Variants in CDKN2B-AS1 observed in about 807,000 individuals in gnomAD.
The protein encoded by CDKN2B-AS1 is CDKN2B and CDKN2A antisense cis and trans regulatory RNA 1, also known as CDKN2B antisense RNA 1 (non-protein coding).
chr9:22,099,896 G>A (rs1386831941), intron 4 of CDKN2B-AS1, among the ~76,000 whole-genome samples: 13 of 152,248 alleles, frequency 8.5e-5, no homozygotes, highest in African/African-American at 3.1e-4. Flanking sequence ...AATAACACCC[G>A]TGGCTTTTAG....
intron 2 of CDKN2B-AS1, among the ~76,000 whole-genome samples, chr9:22,047,947 G>T (rs116200820): frequency 0.014 from 1,969 of 140,210 alleles, 46 homozygotes; most frequent in African/African-American, 0.047. Flanking sequence ...ACTCCCATGT[G>T]CGGCTAATTT....
chr9:22,099,011 T>C (rs2131352835), intron 4 of CDKN2B-AS1, among the ~76,000 whole-genome samples: 1 of 152,280 alleles, frequency 6.6e-6, no homozygotes, highest in East Asian at 1.9e-4. Flanking sequence ...AGAAGTGCTT[T>C]TGATGGAATT....
At chr9:22,074,807 A>G (rs1466393318) in intron 4 of CDKN2B-AS1, among the ~76,000 whole-genome samples, 1 of 152,208 alleles carries the variant, frequency 6.6e-6, no homozygotes, top group Non-Finnish European at 1.5e-5. Flanking sequence ...GGAAAGCTCT[A>G]TCTGGTTTCT....
chr9:22,008,689 G>GACT (rs777078006), intron 1 of CDKN2B-AS1: 1 of 1,610,204 alleles, frequency 6.2e-7, no homozygotes, highest in South Asian at 1.1e-5. Flanking sequence ...GGCCAACGGA[G>GACT]ACTCCTGTAC....
intron 4 of CDKN2B-AS1, among the ~76,000 whole-genome samples, chr9:22,083,677 A>C (rs1274701187): frequency 1.3e-5 from 2 of 152,204 alleles, no homozygotes; most frequent in Non-Finnish European, 2.9e-5. Flanking sequence ...TTTGGGGTGG[A>C]GAATGAGAGA....
chr9:22,046,041 T>G (rs1343029854), intron 1 of CDKN2B-AS1, among the ~76,000 whole-genome samples: 1 of 152,076 alleles, frequency 6.6e-6, no homozygotes, highest in Non-Finnish European at 1.5e-5. Context: ...ACAACCTGAA[T>G]AGTTGAGGTC....
intron 1 of CDKN2B-AS1, among the ~76,000 whole-genome samples, chr9:22,020,083 C>G (rs981501924): frequency 6.6e-6 from 1 of 152,126 alleles, no homozygotes; most frequent in Admixed American, 6.5e-5. Flanking sequence ...TTCATGTGTT[C>G]TCATCATTTA....
intron 4 of CDKN2B-AS1, among the ~76,000 whole-genome samples, chr9:22,070,461 C>G (rs1487500798): frequency 1.3e-5 from 2 of 152,136 alleles, no homozygotes; most frequent in Non-Finnish European, 2.9e-5. Flanking sequence ...GTAGGAAGGT[C>G]TAAGTACAAT....
intron 1 of CDKN2B-AS1, among the ~76,000 whole-genome samples, chr9:22,037,625 G>T (rs1016703303): frequency 1.3e-5 from 2 of 151,928 alleles, no homozygotes; most frequent in African/African-American, 4.8e-5. Context: ...CAGCTTTCAT[G>T]ACACTTCAAG....
chr9:22,041,379 A>T (rs991995159), intron 1 of CDKN2B-AS1, among the ~76,000 whole-genome samples: 1 of 152,012 alleles, frequency 6.6e-6, no homozygotes, highest in Non-Finnish European at 1.5e-5. Flanking sequence ...CTCCTGTGCG[A>T]TATTTTTCAA....
intron 4 of CDKN2B-AS1, among the ~76,000 whole-genome samples, chr9:22,081,345 T>C (rs1187882245): frequency 6.6e-6 from 1 of 151,138 alleles, no homozygotes; most frequent in African/African-American, 2.4e-5. Context: ...ATTAACTCTC[T>C]AGAATCGATT....
At chr9:22,091,951 C>T (rs2131343187) in intron 4 of CDKN2B-AS1, among the ~76,000 whole-genome samples, 1 of 152,246 alleles carries the variant, frequency 6.6e-6, no homozygotes, top group African/African-American at 2.4e-5. Flanking sequence ...ATGATATTGG[C>T]TGTGGTTTTG....
At chr9:22,079,966 A>T (rs1028048560) in intron 4 of CDKN2B-AS1, among the ~76,000 whole-genome samples, 1 of 152,260 alleles carries the variant, frequency 6.6e-6, no homozygotes, top group Non-Finnish European at 1.5e-5. Context: ...GCAATGCCTT[A>T]TGAAAACGAA....
At position 22,006,324 on chromosome 9, in the gene CDKN2B-AS1, A is replaced by G; in HGVS notation, n.29+11163A>G. 1 of 1,577,966 alleles carries G rather than the reference A, an allele frequency of 6.3e-7. No homozygotes were observed. Among genetic ancestry groups the G allele is most frequent in the Non-Finnish European group, 8.6e-7 (1 of 1,166,990 alleles). On this transcript the variant is annotated intron_variant and non_coding_transcript_variant, in intron 1 of 4. Transcript: ENST00000650946. This position sits in a 1 kb window ranked among gnomAD's most constrained non-coding sequence, Gnocchi z 6.4. ...ATGCCGGCCGGGGCAAGGCAGGTGG[A>G]GCCATTTAAAGAAACACCTAATTGC...
At chr9:22,102,916 C>G (rs1463811251) in intron 4 of CDKN2B-AS1, among the ~76,000 whole-genome samples, 1 of 152,082 alleles carries the variant, frequency 6.6e-6, no homozygotes, top group Non-Finnish European at 1.5e-5. Context: ...TAGCTAAATT[C>G]ATGAGATTAT....
At chr9:22,032,154 G>T (rs1016741962) in intron 1 of CDKN2B-AS1, among the ~76,000 whole-genome samples, 2 of 152,000 alleles carry the variant, frequency 1.3e-5, no homozygotes, top group African/African-American at 2.4e-5. Flanking sequence ...GGTTTTTTTT[G>T]GGGGGAGAAT....
intron 4 of CDKN2B-AS1, among the ~76,000 whole-genome samples, chr9:22,107,846 G>A (rs1236818659): frequency 6.6e-6 from 1 of 152,100 alleles, no homozygotes; most frequent in African/African-American, 2.4e-5. Context: ...TCCTGTGGAG[G>A]GACAATATGT....
exon 5 of CDKN2B-AS1, among the ~76,000 whole-genome samples, chr9:22,127,625 A>G (rs1175605776): frequency 1.3e-5 from 2 of 152,134 alleles, no homozygotes; most frequent in Admixed American, 6.5e-5. Context: ...ACCTGTGTCC[A>G]CTGAGGATCT....
At chr9:22,049,835 T>TG (rs1823267725) in intron 3 of CDKN2B-AS1, among the ~76,000 whole-genome samples, 1 of 152,226 alleles carries the variant, frequency 6.6e-6, no homozygotes, top group African/African-American at 2.4e-5. Context: ...GTTTCATAGA[T>TG]TGGCCAGCAT....
Sources: allele counts gnomAD v4.1 joint callset (sites outside exome capture counted in the v4.1 genomes callset), GRCh38; gene constraint gnomAD v4.1.1; non-coding constraint Gnocchi (gnomAD v3.1); transcripts MANE v1.5; gene names NCBI Gene and HGNC (gene_info 2026-07-23, HGNC 2026-07-21).